The following PKP3 variants were observed in gnomAD, a reference collection of about 807,000 sequenced individuals.
PKP3 encodes the protein plakophilin-3.
In PKP3, 66 loss-of-function variants were observed where a neutral mutation model predicts 76.5. That is an observed-to-expected ratio of 0.86 (90% CI 0.71 to 1.06). The LOEUF (loss-of-function observed/expected upper bound fraction) is 1.06, where lower values mean the gene tolerates loss of function less well. PKP3 is among the 50% of genes least tolerant of loss of function. PKP3 has a pLI of 0.00. For missense variants in PKP3, 1,338 were observed against 1,141.0 expected, an observed-to-expected ratio of 1.17 and a Z score of -2.49; for synonymous variants, 638 against 516.5, an observed-to-expected ratio of 1.24 and a Z score of -3.19.
chr11:398,765 C>T (rs1411314014), intron 4 of PKP3, among the ~76,000 whole-genome samples: 5 of 95,264 alleles, frequency 5.2e-5, no homozygotes, highest in South Asian at 4.0e-4. Context: ...TCCGTACCCC[C>T]GCACACACCT....
At chr11:392,782 A>C, upstream of PKP3, 1 of 691,946 alleles carries the variant, frequency 1.4e-6, no homozygotes, top group East Asian at 7.0e-5. Context: ...CCATCCTTTC[A>C]GTGGACCTTC....
chr11:396,732 G>A, intron 2 of PKP3, 45 bp downstream of exon 2: 1 of 1,586,170 alleles, frequency 6.3e-7, no homozygotes, highest in Non-Finnish European at 8.6e-7. Context: ...GAGCTCTGCA[G>A]TCTGGAGAGT....
At chr11:400,845 C>G in intron 8 of PKP3, 140 bp downstream of exon 8, 1 of 173,836 alleles carries the variant, frequency 5.8e-6, no homozygotes. Context: ...CACCCCCGCC[C>G]CGCTCACCCC....
In PKP3 at chr11:397,574, A is replaced by G; in HGVS notation, c.980A>G (p.Tyr327Cys). The G allele has an allele frequency of 6.2e-6, 10 of 1,612,144 alleles. No homozygotes were observed. The highest frequency in any genetic ancestry group is 8.5e-6 in the Non-Finnish European group (10 of 1,179,552). Reference protein sequence around the residue: ...DDIDLPSAVKYLMASDPNLQV... With the variant: ...DDIDLPSAVKCLMASDPNLQV... ...ATTGACCTGCCCTCAGCAGTCAAGT[A>G]CCTCATGGCTTCAGACCCCAACCTG... is the stretch of plus-strand genomic sequence containing the variant. The change falls in exon 4 of 13, where the codon TAC (tyrosine) becomes TGC (cysteine). Residue 327 changes from tyrosine to cysteine, a missense_variant. Physicochemically the swap from Tyr to Cys is radical, Grantham distance 194 (BLOSUM62 -2). Transcript: ENST00000331563.
rs1006539609 is a variant in PKP3, at chr11:400,254, C to A, written c.1449-80C>A. On this transcript the variant is annotated intron_variant, in intron 6 of 12. Coordinates refer to ENST00000331563, the MANE Select transcript of PKP3 (RefSeq NM_007183.4). Reference sequence around the variant, plus strand: ...CCGCACGCCTCGCGCTGGGGATGGGCGTGCGAGGGCCCACGATGGGTTGGG... The same window carrying A: ...CCGCACGCCTCGCGCTGGGGATGGGAGTGCGAGGGCCCACGATGGGTTGGG... The A allele has an allele frequency of 2.8e-6, 4 of 1,413,434 alleles. No individual in the cohort carries two copies. In the African/African-American group the frequency reaches 4.3e-5, roughly 15 times the overall value. 87.6% of individuals were successfully genotyped at this position (1,413,434 alleles called of 1,614,324 possible).
At position 399,370 on chromosome 11, in the gene PKP3, C is replaced by T. The variant is rs1206863411; in HGVS notation, c.1273+174C>T. On this transcript the variant is annotated intron_variant, in intron 5 of 12. Coordinates refer to ENST00000331563, the MANE Select transcript of PKP3 (RefSeq NM_007183.4). ...CCTCCTCCCCCCCTCTGCCTTACCC[C>T]CCCACCTGCCCGCCATCTGCCCCAC... is the stretch of plus-strand genomic sequence containing the variant. Among the ~76,000 whole-genome samples, 21 of 43,654 alleles carry T rather than the reference C, an allele frequency of 4.8e-4. 1 individual carries two copies. The highest frequency in any genetic ancestry group is 7.7e-4 in the Non-Finnish European group (18 of 23,340). 28.6% of individuals were successfully genotyped at this position (43,654 alleles called of 152,430 possible).
upstream of PKP3, chr11:394,011 A>C: frequency 9.9e-6 from 4 of 404,900 alleles, no homozygotes; most frequent in East Asian, 4.6e-5. Context: ...CTGTTGTGGG[A>C]TGGGAGAAAA....
intron 9 of PKP3, 75 bp downstream of exon 9, chr11:403,338 G>A (rs1358486674): frequency 2.5e-6 from 3 of 1,182,230 alleles, no homozygotes; most frequent in Non-Finnish European, 3.5e-6. Context: ...GAGGGAGAGG[G>A]AGGGGAGGAG....
chr11:393,651 T>C (rs1268940475), upstream of PKP3: 1 of 152,278 alleles, frequency 6.6e-6, no homozygotes, highest in Non-Finnish European at 1.5e-5. Context: ...GGAGTCCCGT[T>C]GGACCCTAAA....
At chr11:393,714 G>C (rs1252645276), upstream of PKP3, among the ~76,000 whole-genome samples, 1 of 152,140 alleles carries the variant, frequency 6.6e-6, no homozygotes, top group African/African-American at 2.4e-5. Context: ...CCTGACTCCC[G>C]ACAGTGTCTC....
chr11:399,177 G>C lies in PKP3; in HGVS notation c.1254G>C (p.Glu418Asp), dbSNP rs778458986. ...LLRTLREQDD[E>D]LRKNVTGILW... Reference sequence around the variant, plus strand: ...GGACACTGCGGGAGCAGGATGATGAGCTTCGCAAAAATGTCACAGGTGCTG... The same window carrying C: ...GGACACTGCGGGAGCAGGATGATGACCTTCGCAAAAATGTCACAGGTGCTG... The change falls in exon 5 of 13, where the codon GAG becomes GAC. Residue 418 changes from glutamate to aspartate, a missense_variant. By Grantham distance (45) the Glu-to-Asp change is conservative. Transcript: ENST00000331563. 1 of 1,600,132 alleles carries C rather than the reference G, an allele frequency of 6.2e-7. No individual in the cohort carries two copies.
intron 4 of PKP3, among the ~76,000 whole-genome samples, chr11:398,113 T>C (rs373767451): frequency 0.023 from 624 of 27,688 alleles, 1 homozygote; most frequent in Admixed American, 0.033. Context: ...CACACACCTG[T>C]GTCACCTCCC....
At chr11:396,714 G>T (rs776069569) in intron 2 of PKP3, 27 bp downstream of exon 2, 1 of 1,597,594 alleles carries the variant, frequency 6.3e-7, no homozygotes, top group South Asian at 1.1e-5. Context: ...GCCCGAGGGG[G>T]ACGATCTGAG....
At chr11:392,733 C>CCCCCCCCCCCCCCCCCGTT, upstream of PKP3, 1 of 1,230,492 alleles carries the variant, frequency 8.1e-7, no homozygotes, top group Non-Finnish European at 1.1e-6. Flanking sequence ...CCTTCCCCAC[C>CCCCCCCCCCCCCCCCCGTT]ACCCCGACCC....
chr11:394,570 T>C, intron 1 of PKP3, 46 bp downstream of exon 1: 1 of 1,325,212 alleles, frequency 7.5e-7, no homozygotes, highest in East Asian at 3.1e-5. Flanking sequence ...CGGGGAGAGG[T>C]GGCTGCGGGC....
At chr11:394,169 T>C (rs1847011303), upstream of PKP3, 15 of 1,352,536 alleles carry the variant, frequency 1.1e-5, no homozygotes, top group Non-Finnish European at 1.4e-5. Context: ...GGCGTCTGTC[T>C]TCAGGCGGCT....
Position 404,500 on chromosome 11 carries a change from A to G in PKP3, c.2359-34A>G, listed in dbSNP as rs749679635. 6 of 1,610,640 alleles carry G rather than the reference A, an allele frequency of 3.7e-6. No homozygotes were observed. Among genetic ancestry groups the G allele is most frequent in the Non-Finnish European group, 4.2e-6 (5 of 1,178,154 alleles). On this transcript the variant is annotated intron_variant, in intron 12 of 12. Coordinates refer to ENST00000331563, the MANE Select transcript of PKP3 (RefSeq NM_007183.4). This position sits in a 1 kb window ranked among gnomAD's most constrained non-coding sequence, Gnocchi z 4.2. Reference sequence around the variant, plus strand: ...CGGGCAGAGGGCCACATGGGCAGACATGCACCCTGACCTTGGGCCTCTCTC... The same window carrying G: ...CGGGCAGAGGGCCACATGGGCAGACGTGCACCCTGACCTTGGGCCTCTCTC...
At position 397,118 on chromosome 11, in the gene PKP3, C is replaced by A. The variant is rs1320388910; in HGVS notation, c.617C>A (p.Ala206Asp). 2 of 1,597,654 alleles carry A rather than the reference C, an allele frequency of 1.3e-6. No individual in the cohort carries two copies. Among genetic ancestry groups the A allele is most frequent in the Non-Finnish European group, 1.7e-6 (2 of 1,179,206 alleles). Reference sequence around the variant, plus strand: ...GTGTCTGAGCAGCTGGAGCCCGCGGCCACCTCCACCTACAGGGCCTTTGCG... The same window carrying A: ...GTGTCTGAGCAGCTGGAGCCCGCGGACACCTCCACCTACAGGGCCTTTGCG... ...SLVSEQLEPAATSTYRAFAYE... is the reference protein window; with the variant it reads ...SLVSEQLEPADTSTYRAFAYE... The change falls in exon 3 of 13, where the codon GCC becomes GAC. Residue 206 changes from alanine (A) to aspartate (D), a missense_variant. Ala to Asp is a moderately radical substitution (Grantham distance 126). Transcript: ENST00000331563.
At chr11:403,374 GC>G (rs1847191188) in intron 9 of PKP3, 111 bp downstream of exon 9, 22 of 996,254 alleles carry the variant, frequency 2.2e-5, no homozygotes, top group Non-Finnish European at 3.0e-5. Flanking sequence ...GGTCCGCGGA[GC>G]CTCGGAGGTC....
Sources: gnomAD v4.1 joint callset for allele counts (sites outside exome capture counted in the v4.1 genomes callset) on GRCh38, gnomAD v4.1.1 for gene constraint, Gnocchi (gnomAD v3.1) non-coding constraint, MANE v1.5 for transcripts, NCBI Gene and HGNC (gene_info 2026-07-23, HGNC 2026-07-21) for gene names.